SRPK2: variants seen among roughly 807,000 people sequenced by gnomAD.
SRPK2 encodes the protein SRSF protein kinase 2.
In SRPK2, 21 loss-of-function variants were observed where a neutral mutation model predicts 90.8. The ratio of observed to expected loss-of-function variants is 0.23; its 90% CI spans 0.16 to 0.33. The LOEUF is 0.33. SRPK2 is among the 10% of genes least tolerant of loss of function. The pLI is 1.00. For synonymous variants in SRPK2, 288 were observed against 311.1 expected (o/e 0.93, Z 0.78); for missense variants, 620 against 869.0 (o/e 0.71, Z 3.60).
chr7:105,179,588 G>A lies in SRPK2; in HGVS notation c.230-10323C>T, dbSNP rs567056539. Among the ~76,000 whole-genome samples, 39 of 152,196 alleles carry A rather than the reference G, an allele frequency of 2.6e-4. No homozygotes were observed. In the East Asian group the frequency reaches 7.3e-3, roughly 29 times the overall value. On this transcript the variant is annotated intron_variant, in intron 3 of 15. Transcript: ENST00000393651. ...GTCTGTAATCCGAGCACTTTGGGAG[G>A]CTGAGGCAGGCGGATCCCTTGAGGT...
chr7:105,299,133 C>A (rs551976168), intron 2 of SRPK2, among the ~76,000 whole-genome samples: 1 of 152,200 alleles, frequency 6.6e-6, no homozygotes, highest in Non-Finnish European at 1.5e-5. Context: ...TGAGAATGAG[C>A]CTCTGTTTCT....
Position 105,120,890 on chromosome 7 carries a change from G to T in SRPK2, c.1916-2868C>A, listed in dbSNP as rs149333795. The stretch of plus-strand genomic sequence containing the variant: ...AGAGTGGGCTCACTGAATGAGTGAG[G>T]GTCTCGAGTCCATGAGCCAGCTCCA... On this transcript the variant is annotated intron_variant, in intron 15 of 15. Transcript: ENST00000393651. Among the ~76,000 whole-genome samples, 309 of 152,224 alleles carry T rather than the reference G, an allele frequency of 2.0e-3. 1 individual carries two copies. The highest frequency in any genetic ancestry group is 7.2e-3 in the African/African-American group (297 of 41,536).
At chr7:105,189,029 T>C (rs182254687) in intron 3 of SRPK2, among the ~76,000 whole-genome samples, 4 of 152,302 alleles carry the variant, frequency 2.6e-5, no homozygotes, top group Non-Finnish European at 4.4e-5. Flanking sequence ...ACCATGTTAA[T>C]TGTCGACACT....
chr7:105,196,772 G>T (rs1256151988), intron 3 of SRPK2, among the ~76,000 whole-genome samples: 1 of 152,048 alleles, frequency 6.6e-6, no homozygotes, highest in Admixed American at 6.6e-5. Context: ...AACACAGATT[G>T]GGCACAGTGG....
chr7:105,224,595 G>A (rs934106208), intron 2 of SRPK2, among the ~76,000 whole-genome samples: 8 of 152,224 alleles, frequency 5.3e-5, no homozygotes, highest in Admixed American at 4.6e-4. Flanking sequence ...GGCAACAAGA[G>A]CAAAACTCTG....
intron 2 of SRPK2, among the ~76,000 whole-genome samples, chr7:105,261,038 A>AAAC (rs1554485942): frequency 6.6e-6 from 1 of 151,742 alleles, no homozygotes; most frequent in Non-Finnish European, 1.5e-5. Context: ...AAAAAAAAAA[A>AAAC]AAAACAGTAT....
chr7:105,175,622 C>T lies in SRPK2; in HGVS notation c.230-6357G>A, dbSNP rs117359637. Reference sequence around the variant, plus strand: ...GAAAATAAAAGCAATTAACAAATTTCGGGCCAGGCAGATTGGGCAGTGAGA... The same window carrying T: ...GAAAATAAAAGCAATTAACAAATTTTGGGCCAGGCAGATTGGGCAGTGAGA... On this transcript the variant is annotated intron_variant, in intron 3 of 15. Coordinates refer to ENST00000393651, the MANE Select transcript of SRPK2 (RefSeq NM_182692.3). 3.1e-3 allele frequency among the ~76,000 whole-genome samples: 467 copies of T among 152,110 alleles called. 14 individuals carry two copies. In the East Asian group the frequency reaches 0.062, roughly 20 times the overall value.
At chr7:105,393,826 G>T (rs978849439), upstream of SRPK2, among the ~76,000 whole-genome samples, 3 of 151,982 alleles carry the variant, frequency 2.0e-5, no homozygotes, top group Admixed American at 1.3e-4. Context: ...CATTTTGGGA[G>T]GCTAAAGTAG....
rs1025760070 is a variant in SRPK2 at position 105,287,064 on chromosome 7, A to G, written c.72-83279T>C. On this transcript the variant is annotated intron_variant, in intron 2 of 15. Coordinates refer to ENST00000393651, the MANE Select transcript of SRPK2 (RefSeq NM_182692.3). ...ATCACGAGGTCAGGAGATCGAGACC[A>G]TCCCGGCTAAAACGGTGAAACCCCG... Among the ~76,000 whole-genome samples, 14 of 150,996 alleles carry G rather than the reference A, an allele frequency of 9.3e-5. 1 individual carries two copies. The highest frequency in any genetic ancestry group is 1.9e-4 in the Non-Finnish European group (13 of 67,684).
chr7:105,388,995 G>GCCCCC, upstream of SRPK2: 2 of 391,254 alleles, frequency 5.1e-6, no homozygotes, highest in Non-Finnish European at 5.9e-6. Context: ...CCCCCGCCCC[G>GCCCCC]CCCCCACCCG....
intron 2 of SRPK2, among the ~76,000 whole-genome samples, chr7:105,367,091 G>GTTTT (rs796453468): frequency 1.4e-4 from 20 of 146,746 alleles, no homozygotes; most frequent in African/African-American, 5.0e-4. Flanking sequence ...TTGTTTGTTT[G>GTTTT]TTTTAGGATA....
At chr7:105,236,292 C>T (rs1024042330) in intron 2 of SRPK2, among the ~76,000 whole-genome samples, 21 of 152,158 alleles carry the variant, frequency 1.4e-4, no homozygotes, top group Admixed American at 1.3e-3. Flanking sequence ...TCACTGACAG[C>T]ATTATGGACA....
At position 105,203,728 on chromosome 7, in the gene SRPK2, T is replaced by A. The variant is rs541036648; in HGVS notation, c.129A>T (p.Pro43=). 3.2e-6 allele frequency: 5 copies of A among 1,569,644 alleles called. No homozygotes were observed. The African/African-American group carries it at 6.8e-5, about 21-fold the overall frequency. Reference sequence around the variant, plus strand: ...TGGGGTCTGGCAAAGGTGGCGGTGGTGGTGGTGGTGGCGGTGGAGGAGGAG... The same window carrying A: ...TGGGGTCTGGCAAAGGTGGCGGTGGAGGTGGTGGTGGCGGTGGAGGAGGAG... ...LVPPPPPPPP[P]PPPPLPDPTP... is the part of the protein sequence containing the mutation. The change falls in exon 3 of 16, where the codon CCA becomes CCT. Residue 43 remains proline, a synonymous_variant. Coordinates refer to ENST00000393651, the MANE Select transcript of SRPK2 (RefSeq NM_182692.3).
chr7:105,134,516 T>C (rs1219898794), intron 11 of SRPK2, among the ~76,000 whole-genome samples: 1 of 152,258 alleles, frequency 6.6e-6, no homozygotes, highest in Non-Finnish European at 1.5e-5. Flanking sequence ...TACAGCAATG[T>C]GAGAACAGAC....
At chr7:105,165,674 G>A (rs1158808947) in intron 6 of SRPK2, among the ~76,000 whole-genome samples, 1 of 152,204 alleles carries the variant, frequency 6.6e-6, no homozygotes, top group African/African-American at 2.4e-5. Context: ...GCACCAATCA[G>A]CACTCTGTAA....
chr7:105,125,128 T>C (rs1284864680), intron 15 of SRPK2, among the ~76,000 whole-genome samples: 9 of 51,658 alleles, frequency 1.7e-4, no homozygotes, highest in African/African-American at 5.1e-4. Flanking sequence ...AGACTCCATC[T>C]CAAAAAAAAA....
downstream of SRPK2, chr7:105,115,177 C>T (rs1799554839): frequency 6.6e-6 from 1 of 152,126 alleles, no homozygotes; most frequent in Non-Finnish European, 1.5e-5. Context: ...ACCAAAATTT[C>T]ATTCAAGTTA....
rs374828454 is a variant in SRPK2 at position 105,213,372 on chromosome 7, G to A, written c.72-9587C>T. On this transcript the variant is annotated intron_variant, in intron 2 of 15. Coordinates refer to ENST00000393651, the MANE Select transcript of SRPK2 (RefSeq NM_182692.3). The stretch of plus-strand genomic sequence containing the variant: ...GTAAAGGTTTGAGCTGCAAATTGAA[G>A]CAAAGGTGATTGAAACTGAAGCATA... 7.7e-4 allele frequency among the ~76,000 whole-genome samples: 117 copies of A among 152,244 alleles called. 1 individual carries two copies. The highest frequency in any genetic ancestry group is 2.6e-3 in the African/African-American group (110 of 41,548).
Position 105,203,734 on chromosome 7 carries a change from T to TGGTGGC in SRPK2, c.117_122dup (p.Pro46_Pro47dup), listed in dbSNP as rs1360088494. The TGGTGGC allele has an allele frequency of 6.4e-7, 1 of 1,559,682 alleles. No homozygotes were observed. Among genetic ancestry groups the TGGTGGC allele is most frequent in the Non-Finnish European group, 8.8e-7 (1 of 1,137,916 alleles). On this transcript the variant is annotated inframe_insertion, in exon 3 of 16. Transcript: ENST00000393651. ...CTGGCAAAGGTGGCGGTGGTGGTGG[T>TGGTGGC]GGTGGCGGTGGAGGAGGAGGAACTA...
Sources: allele counts gnomAD v4.1 joint callset (sites outside exome capture counted in the v4.1 genomes callset), GRCh38; gene constraint gnomAD v4.1.1; transcripts MANE v1.5; gene names NCBI Gene and HGNC (gene_info 2026-07-23, HGNC 2026-07-21).